The following LMO2 variants were observed in gnomAD, a reference collection of about 807,000 sequenced individuals.
LMO2 encodes rhombotin-2.
In LMO2, 20 loss-of-function variants were observed where a neutral mutation model predicts 23.2. That is an observed-to-expected ratio of 0.86 (90% confidence interval 0.61 to 1.25). The LOEUF is 1.25. Among genes scored for constraint, LMO2 ranks in the 50% most tolerant of loss-of-function variants. The pLI, the probability that LMO2 is intolerant of heterozygous loss-of-function variation, is 0.00. For synonymous variants in LMO2, 123 were observed against 130.2 expected (o/e 0.94, Z 0.38); for missense variants, 270 against 315.3 (o/e 0.86, Z 1.09).
At chr11:33,890,453 G>A (rs959347115) in intron 1 of LMO2, among the ~76,000 whole-genome samples, 1 of 152,162 alleles carries the variant, frequency 6.6e-6, no homozygotes, top group Admixed American at 6.5e-5. Flanking sequence ...CCGGGTTCAA[G>A]CAATTCTCCT....
In LMO2 at chr11:33,879,266, G is replaced by A. The variant is rs77791637; in HGVS notation, c.-272+2558C>T. On this transcript the variant is annotated intron_variant, in intron 2 of 5. Transcript: ENST00000257818. The stretch of plus-strand genomic sequence containing the variant: ...AAAGACACCATCAACAGAGTGAAAG[G>A]GCAACCCACAGAATGGAATAATATA... Among the ~76,000 whole-genome samples, 1,247 of 152,042 alleles carry A rather than the reference G, an allele frequency of 8.2e-3. 14 individuals are homozygous for A. The highest frequency in any genetic ancestry group is 0.028 in the African/African-American group (1,149 of 41,460).
intron 2 of LMO2, among the ~76,000 whole-genome samples, chr11:33,872,887 G>A (rs530479787): frequency 9.9e-5 from 15 of 151,912 alleles, no homozygotes; most frequent in African/African-American, 3.6e-4. Flanking sequence ...TCAGCCTCCC[G>A]AGTAGCTGGG....
intron 2 of LMO2, chr11:33,881,366 A>G (rs955268249): frequency 6.6e-6 from 3 of 456,626 alleles, no homozygotes; most frequent in Non-Finnish European, 1.3e-5. Context: ...AACTTTTGCA[A>G]AATGAACCAA....
intron 4 of LMO2, 59 bp downstream of exon 4, chr11:33,869,287 G>A: frequency 1.8e-6 from 2 of 1,116,704 alleles, no homozygotes; most frequent in South Asian, 8.7e-5. Context: ...TCCCCCCGAC[G>A]CTCCGGGACG....
At chr11:33,866,734 C>T (rs1321444025) in intron 4 of LMO2, among the ~76,000 whole-genome samples, 2 of 152,214 alleles carry the variant, frequency 1.3e-5, no homozygotes, top group African/African-American at 4.8e-5. Context: ...CAACCTCCAC[C>T]TCCTGGGTTC....
intron 5 of LMO2, among the ~76,000 whole-genome samples, chr11:33,860,626 C>A (rs10836122): frequency 6.6e-6 from 1 of 151,766 alleles, no homozygotes; most frequent in African/African-American, 2.4e-5. Flanking sequence ...TAGCCGGGTG[C>A]GGTGGTGCAT....
At chr11:33,870,395 C>A in intron 2 of LMO2, 1 of 985,592 alleles carries the variant, frequency 1.0e-6, no homozygotes. Context: ...GGTTCGAGGT[C>A]CCAGGTCCAC....
chr11:33,877,723 C>T (rs1857169249), intron 2 of LMO2, among the ~76,000 whole-genome samples: 1 of 151,984 alleles, frequency 6.6e-6, no homozygotes, highest in Non-Finnish European at 1.5e-5. Flanking sequence ...CCTTGGCCTC[C>T]CAAAGTGCTA....
intron 2 of LMO2, among the ~76,000 whole-genome samples, chr11:33,878,956 T>C (rs1857200148): frequency 1.3e-5 from 2 of 152,216 alleles, no homozygotes; most frequent in South Asian, 2.1e-4. Flanking sequence ...CACATCCATG[T>C]TATCAATTGC....
intron 1 of LMO2, among the ~76,000 whole-genome samples, chr11:33,883,227 A>G (rs1857328475): frequency 6.6e-6 from 1 of 152,236 alleles, no homozygotes; most frequent in Non-Finnish European, 1.5e-5. Flanking sequence ...CTCAAAACAT[A>G]TTTATTAGAT....
intron 4 of LMO2, 33 bp downstream of exon 4, chr11:33,869,313 C>CG (rs1383446073): frequency 1.8e-6 from 2 of 1,100,110 alleles, no homozygotes; most frequent in African/African-American, 3.4e-5. Flanking sequence ...CCGTGGACAC[C>CG]GGGGGTGGCA....
At chr11:33,885,185 T>C (rs929915048) in intron 1 of LMO2, among the ~76,000 whole-genome samples, 2 of 152,206 alleles carry the variant, frequency 1.3e-5, no homozygotes, top group Non-Finnish European at 2.9e-5. Context: ...GAAGAAGTTA[T>C]CTAGGAGTGG....
At chr11:33,877,461 CTT>C (rs398015741) in intron 2 of LMO2, among the ~76,000 whole-genome samples, 1 of 104,402 alleles carries the variant, frequency 9.6e-6, no homozygotes, top group Non-Finnish European at 1.8e-5. Flanking sequence ...TCTCCAGATT[CTT>C]TTTTTTTTTT....
chr11:33,865,843 G>A (rs1856762358), intron 4 of LMO2, among the ~76,000 whole-genome samples: 1 of 152,206 alleles, frequency 6.6e-6, no homozygotes, highest in African/African-American at 2.4e-5. Flanking sequence ...TAAAGGAGTG[G>A]AAGGAATTAT....
chr11:33,876,912 G>T (rs924951311), intron 2 of LMO2, among the ~76,000 whole-genome samples: 1 of 152,218 alleles, frequency 6.6e-6, no homozygotes, highest in Admixed American at 6.5e-5. Context: ...ATGAAATCAT[G>T]CATGCCAAAT....
At chr11:33,862,347 G>A (rs1045743566) in intron 5 of LMO2, among the ~76,000 whole-genome samples, 3 of 152,100 alleles carry the variant, frequency 2.0e-5, no homozygotes, top group Non-Finnish European at 4.4e-5. Flanking sequence ...ACAGATTCAG[G>A]TGCTGGCTGT....
chr11:33,867,796 T>C lies in LMO2; in HGVS notation c.248+1550A>G, dbSNP rs371334833. ...CAAACTTTGAAAGAAGCAAACTTCCTTCAGGGAAATGAAACCTTCAGATTA... is the reference window on the plus strand; with the variant it reads ...CAAACTTTGAAAGAAGCAAACTTCCCTCAGGGAAATGAAACCTTCAGATTA... On this transcript the variant is annotated intron_variant, in intron 4 of 5. Coordinates refer to ENST00000257818, the MANE Select transcript of LMO2 (RefSeq NM_005574.4). Among the ~76,000 whole-genome samples, 38 of 152,342 alleles carry C rather than the reference T, an allele frequency of 2.5e-4. No homozygotes were observed. The East Asian group carries it at 5.6e-3, about 22-fold the overall frequency.
At chr11:33,887,398 C>A (rs890213962) in intron 1 of LMO2, among the ~76,000 whole-genome samples, 1 of 152,204 alleles carries the variant, frequency 6.6e-6, no homozygotes, top group Non-Finnish European at 1.5e-5. Context: ...CTCAGTGATT[C>A]TGCTAGGAGT....
At chr11:33,873,263 T>C (rs1311146926) in intron 2 of LMO2, among the ~76,000 whole-genome samples, 2 of 152,202 alleles carry the variant, frequency 1.3e-5, no homozygotes, top group Non-Finnish European at 2.9e-5. Context: ...AAGAGATTAC[T>C]GCATATGACT....
Sources: gnomAD v4.1 joint callset for allele counts (sites outside exome capture counted in the v4.1 genomes callset) on GRCh38, gnomAD v4.1.1 for gene constraint, MANE v1.5 for transcripts, NCBI Gene and HGNC (gene_info 2026-07-23, HGNC 2026-07-21) for gene names.